The following MS4A3 variants were observed in gnomAD, a reference collection of about 807,000 sequenced individuals.
MS4A3 encodes the protein membrane-spanning 4-domains subfamily A member 3.
Under a neutral mutation model 24.7 loss-of-function variants are expected in MS4A3, and 18 were observed. That is an observed-to-expected ratio of 0.73 (90% CI 0.50 to 1.08). The LOEUF (loss-of-function observed/expected upper bound fraction) is 1.08. MS4A3 is among the 50% of genes least tolerant of loss of function. The probability of loss-of-function intolerance (pLI) is 0.00; values close to 1 mark genes in which losing one functional copy is unlikely to be tolerated. For synonymous variants in MS4A3, 84 were observed against 95.3 expected (o/e 0.88, Z 0.69); for missense variants, 282 against 251.7 (o/e 1.12, Z -0.82).
intron 4 of MS4A3, among the ~76,000 whole-genome samples, chr11:60,066,539 T>C (rs1000942018): frequency 6.6e-6 from 1 of 152,076 alleles, no homozygotes; most frequent in African/African-American, 2.4e-5. Flanking sequence ...TTTGAGTGTT[T>C]CCCTAATTTC....
At chr11:60,065,426 C>T (rs967286123) in intron 4 of MS4A3, among the ~76,000 whole-genome samples, 6 of 152,068 alleles carry the variant, frequency 3.9e-5, no homozygotes, top group African/African-American at 1.2e-4. Context: ...ACAAGAAAAC[C>T]TTGACATTAT....
At chr11:60,061,396 A>G in intron 2 of MS4A3, 80 bp downstream of exon 2, 2 of 1,494,008 alleles carry the variant, frequency 1.3e-6, no homozygotes, top group Non-Finnish European at 1.8e-6. Context: ...GTGCGTTTGA[A>G]CTGTGAGGAT....
intron 2 of MS4A3, among the ~76,000 whole-genome samples, chr11:60,061,759 T>A (rs1358055469): frequency 6.6e-6 from 1 of 152,324 alleles, no homozygotes; most frequent in East Asian, 1.9e-4. Context: ...AGGGTGGGCA[T>A]TCCAAACCCC....
In MS4A3 at chr11:60,061,232, G is replaced by C. The variant is rs763316046; in HGVS notation, c.72G>C (p.Ala24=). The C allele has an allele frequency of 6.2e-7, 1 of 1,613,562 alleles. No homozygotes were observed. Residue 24 remains alanine, a synonymous_variant, in exon 2 of 7, where the codon GCG becomes GCC. Coordinates refer to ENST00000278865, the MANE Select transcript of MS4A3 (RefSeq NM_006138.5). ...ASAHGTPGSE[A]GPEELNTSVY... ...CCCATGGTACCCCAGGCAGTGAGGC[G>C]GGACCAGAAGAGCTGAATACTTCTG... is the stretch of plus-strand genomic sequence containing the variant.
At chr11:60,062,681 A>G (rs1406590502) in intron 3 of MS4A3, 76 bp downstream of exon 3, 45 of 1,551,644 alleles carry the variant, frequency 2.9e-5, no homozygotes, top group Non-Finnish European at 3.9e-5. Flanking sequence ...TGACAAAAAT[A>G]TTGTTTGTAG....
At chr11:60,067,389 A>AT (rs1003096571) in intron 5 of MS4A3, among the ~76,000 whole-genome samples, 10 of 151,428 alleles carry the variant, frequency 6.6e-5, no homozygotes, top group East Asian at 4.0e-4. Flanking sequence ...AATTTTTTGT[A>AT]TTTTTTTAGT....
chr11:60,069,924 A>G (rs1855448252), intron 6 of MS4A3, among the ~76,000 whole-genome samples: 1 of 152,226 alleles, frequency 6.6e-6, no homozygotes, highest in Admixed American at 6.5e-5. Context: ...ATTAAGTTTT[A>G]TTATTTTCTT....
intron 1 of MS4A3, among the ~76,000 whole-genome samples, chr11:60,059,230 C>A (rs1855229114): frequency 6.6e-6 from 1 of 152,086 alleles, no homozygotes; most frequent in African/African-American, 2.4e-5. Flanking sequence ...AATTTGTCAT[C>A]ACACTTAAAT....
intron 5 of MS4A3, among the ~76,000 whole-genome samples, chr11:60,068,790 G>C (rs1227812246): frequency 6.6e-6 from 1 of 151,992 alleles, no homozygotes; most frequent in Non-Finnish European, 1.5e-5. Context: ...TGTCGTGTTT[G>C]TTTGCTGCAT....
Position 60,062,349 on chromosome 11 carries a change from T to C in MS4A3, c.157-119T>C, listed in dbSNP as rs937551753. ...AAGCTCTCGTTCTGTTAATTTAGGC[T>C]TGACACTTTAACCATTTCAAGCACC... On this transcript the variant is annotated intron_variant, in intron 2 of 6. Transcript: ENST00000278865. 4.9e-6 allele frequency: 6 copies of C among 1,225,068 alleles called. No homozygotes were observed. The African/African-American group carries it at 6.0e-5, about 12-fold the overall frequency. The allele number at this position is 1,225,068 out of a possible 1,614,324, so 75.9% of individuals were successfully genotyped here. A position where few individuals can be genotyped will look rare whatever the true frequency, so the allele number is the denominator to read the frequency against.
chr11:60,069,281 A>G (rs190749482), intron 5 of MS4A3, among the ~76,000 whole-genome samples: 5 of 152,180 alleles, frequency 3.3e-5, no homozygotes, highest in Non-Finnish European at 7.3e-5. Context: ...AGATTGGAAG[A>G]TGTTAGTGAT....
At chr11:60,058,135 C>T (rs886646817) in intron 1 of MS4A3, among the ~76,000 whole-genome samples, 1 of 152,048 alleles carries the variant, frequency 6.6e-6, no homozygotes, top group Non-Finnish European at 1.5e-5. Flanking sequence ...TTGAGAGCAA[C>T]CCAAAGGGGT....
intron 1 of MS4A3, among the ~76,000 whole-genome samples, chr11:60,059,681 C>A (rs1484181255): frequency 6.6e-6 from 1 of 152,160 alleles, no homozygotes; most frequent in Non-Finnish European, 1.5e-5. Context: ...ATGGCTTCTA[C>A]TTCATCCATG....
chr11:60,064,601 A>C (rs879671246), intron 4 of MS4A3, among the ~76,000 whole-genome samples: 3 of 152,104 alleles, frequency 2.0e-5, no homozygotes, highest in Admixed American at 6.6e-5. Flanking sequence ...AATTATTTGG[A>C]AGTAAGAACT....
At position 60,071,087 on chromosome 11, in the gene MS4A3, T is replaced by TTTCCTA; in HGVS notation, c.*854_*855insTTCCTA. 6.6e-6 allele frequency: 1 copy of TTTCCTA among 152,310 alleles called. No individual in the cohort carries two copies. 9.4% of individuals were successfully genotyped at this position (152,310 alleles called of 1,614,324 possible). On this transcript the variant is annotated 3_prime_UTR_variant, in exon 7 of 7. Coordinates refer to ENST00000278865, the MANE Select transcript of MS4A3 (RefSeq NM_006138.5). ...TTTGTCGGTTGCTCTGAGGGTTAAA[T>TTTCCTA]GAAAATAAAAAGAAAATGTGAAACA...
chr11:60,060,641 T>TTTTCATCTG (rs2134657705), intron 1 of MS4A3, among the ~76,000 whole-genome samples: 1 of 152,242 alleles, frequency 6.6e-6, no homozygotes, highest in East Asian at 1.9e-4. Context: ...ACCTCAATTT[T>TTTTCATCTG]TTTCATCTGT....
At position 60,064,942 on chromosome 11, in the gene MS4A3, G is replaced by A. The variant is rs868167365; in HGVS notation, c.351+624G>A. On this transcript the variant is annotated intron_variant, in intron 4 of 6. Transcript: ENST00000278865. The stretch of plus-strand genomic sequence containing the variant: ...TTTTTTCTTCTAGCCTCTTACCATA[G>A]GAAAATTTTGTGATTTTCTTTAAAG... Among the ~76,000 whole-genome samples, 10 of 152,024 alleles carry A rather than the reference G, an allele frequency of 6.6e-5. 1 individual carries two copies. Among genetic ancestry groups the A allele is most frequent in the Admixed American group, 2.0e-4 (3 of 15,256 alleles).
intron 4 of MS4A3, 59 bp downstream of exon 4, chr11:60,064,377 C>T (rs1385266158): frequency 7.9e-7 from 1 of 1,268,130 alleles, no homozygotes; most frequent in East Asian, 2.5e-5. Context: ...TATTCATAAA[C>T]AGTAGGACAG....
intron 1 of MS4A3, among the ~76,000 whole-genome samples, chr11:60,057,998 C>T (rs1590610018): frequency 6.6e-6 from 1 of 152,116 alleles, no homozygotes; most frequent in African/African-American, 2.4e-5. Flanking sequence ...TGAGTGCTTG[C>T]CATCTGATGA....
Sources: allele counts gnomAD v4.1 joint callset (sites outside exome capture counted in the v4.1 genomes callset), GRCh38; gene constraint gnomAD v4.1.1; transcripts MANE v1.5; gene names NCBI Gene and HGNC (gene_info 2026-07-23, HGNC 2026-07-21).